Variants in CCDC66 observed in about 807,000 individuals in gnomAD.
CCDC66 encodes coiled-coil domain containing 66, also known as coiled-coil domain-containing protein 66.
Under a neutral mutation model 128.3 loss-of-function variants are expected in CCDC66, and 133 were observed. The observed-to-expected ratio is 1.04, with a 90% CI of 0.90 to 1.20. CCDC66 has a LOEUF of 1.20. CCDC66 is among the 50% of genes most tolerant of loss of function. The pLI is 0.00. For missense variants in CCDC66, 1,126 were observed against 1,075.5 expected, an observed-to-expected ratio of 1.05 and a Z score of -0.66; for synonymous variants, 387 against 357.0, an observed-to-expected ratio of 1.08 and a Z score of -0.95.
Position 56,621,608 on chromosome 3 carries a change from C to G in CCDC66, c.2837C>G (p.Ser946Cys), listed in dbSNP as rs568230372. ...GAAAATCAAGAAGAGAGTTTTGGTT[C>G]TTCATTTTAAATGTAGAAAATCAAA... is the stretch of plus-strand genomic sequence containing the variant. ...LAENQEESFG[S>C]SF Residue 946 changes from serine (S) to cysteine (C), a missense_variant, in exon 18 of 18, where the codon TCT becomes TGT. Coordinates refer to ENST00000394672, the MANE Select transcript of CCDC66 (RefSeq NM_001141947.3). 6.3e-7 allele frequency: 1 copy of G among 1,595,276 alleles called. No individual in the cohort carries two copies. The highest frequency in any genetic ancestry group is 2.2e-5 in the East Asian group (1 of 44,534).
intron 10 of CCDC66, among the ~76,000 whole-genome samples, chr3:56,595,923 G>C (rs780560295): frequency 6.6e-6 from 1 of 152,070 alleles, no homozygotes; most frequent in Non-Finnish European, 1.5e-5. Context: ...TTGTTTGTTT[G>C]CTTGTTTTTG....
chr3:56,562,882 G>C (rs970478187), intron 3 of CCDC66, among the ~76,000 whole-genome samples: 2 of 151,182 alleles, frequency 1.3e-5, no homozygotes, highest in Admixed American at 6.6e-5. Flanking sequence ...CCTGACCTCA[G>C]GCAATCCACC....
intron 7 of CCDC66, among the ~76,000 whole-genome samples, chr3:56,583,550 C>T (rs1470202623): frequency 6.6e-6 from 1 of 151,878 alleles, no homozygotes; most frequent in Admixed American, 6.6e-5. Context: ...GCACGTCTTG[C>T]ACCGCCCTTA....
chr3:56,615,181 G>T lies in CCDC66; in HGVS notation c.1620G>T (p.Gln540His). The T allele has an allele frequency of 6.2e-7, 1 of 1,614,068 alleles. No individual in the cohort carries two copies. The highest frequency in any genetic ancestry group is 8.5e-7 in the Non-Finnish European group (1 of 1,179,972). ...TATTCCAGACAATGCAGCGAGCACA[G>T]GAACTGGCACAGAGACTAAAACAAG... ...NELFQTMQRA[Q>H]ELAQRLKQEQ... is the part of the protein sequence containing the mutation. Residue 540 changes from glutamine to histidine, a missense_variant, in exon 12 of 18, where the codon CAG becomes CAT. Coordinates refer to ENST00000394672, the MANE Select transcript of CCDC66 (RefSeq NM_001141947.3).
At chr3:56,587,597 G>A (rs1313154140) in intron 7 of CCDC66, among the ~76,000 whole-genome samples, 1 of 152,164 alleles carries the variant, frequency 6.6e-6, no homozygotes, top group African/African-American at 2.4e-5. Flanking sequence ...TAGGCTGGGC[G>A]TGGTGGCTCA....
At chr3:56,578,782 C>T (rs1293452721) in intron 7 of CCDC66, among the ~76,000 whole-genome samples, 1 of 151,820 alleles carries the variant, frequency 6.6e-6, no homozygotes. Context: ...GGTGGATAAG[C>T]TTTTTGATGT....
chr3:56,573,415 C>T (rs1395470225), intron 7 of CCDC66, among the ~76,000 whole-genome samples: 2 of 152,170 alleles, frequency 1.3e-5, no homozygotes, highest in Non-Finnish European at 2.9e-5. Flanking sequence ...CCAGAAACTT[C>T]AAGGTGTTGG....
chr3:56,582,471 G>T (rs2068568660), intron 7 of CCDC66, among the ~76,000 whole-genome samples: 1 of 151,868 alleles, frequency 6.6e-6, no homozygotes, highest in African/African-American at 2.4e-5. Flanking sequence ...CCTGTCTTCT[G>T]CATTGCTCAC....
intron 7 of CCDC66, among the ~76,000 whole-genome samples, chr3:56,575,065 G>C (rs980452367): frequency 2.0e-5 from 3 of 151,774 alleles, no homozygotes; most frequent in African/African-American, 7.2e-5. Context: ...CTCAGAATTG[G>C]AATTGCAGGA....
intron 15 of CCDC66, chr3:56,618,494 T>G (rs983755009): frequency 9.7e-5 from 32 of 328,242 alleles, no homozygotes; most frequent in African/African-American, 6.5e-4. Context: ...ATTAGCAGAA[T>G]AGGCATTCTG....
Position 56,606,441 on chromosome 3 carries a change from C to T in CCDC66, c.1405-7148C>T, listed in dbSNP as rs535546175. Among the ~76,000 whole-genome samples, 109 of 152,136 alleles carry T rather than the reference C, an allele frequency of 7.2e-4. 2 individuals are homozygous for T. The highest frequency in any genetic ancestry group is 2.6e-3 in the African/African-American group (106 of 41,446). On this transcript the variant is annotated intron_variant, in intron 10 of 17. Coordinates refer to ENST00000394672, the MANE Select transcript of CCDC66 (RefSeq NM_001141947.3). ...AGGGAATCTCCTGGTCTGCGGGTGG[C>T]GAAGACTGTGGGAAAAGCACAGTAT...
intron 6 of CCDC66, 59 bp downstream of exon 6, chr3:56,567,112 C>A: frequency 7.4e-7 from 1 of 1,351,394 alleles, no homozygotes; most frequent in Non-Finnish European, 1.1e-6. Context: ...TGTATTGAAG[C>A]CGGGCACGGT....
chr3:56,591,047 C>T (rs1442377683), intron 7 of CCDC66, among the ~76,000 whole-genome samples: 1 of 152,202 alleles, frequency 6.6e-6, no homozygotes, highest in South Asian at 2.1e-4. Context: ...CTACCTCTCC[C>T]CATCTCCCAC....
chr3:56,615,913 C>T lies in CCDC66; in HGVS notation c.1712-9C>T, dbSNP rs1651869551. ...AGTGTTGTTTTATCAGGTGATTTCT[C>T]TTTGCCAGTTGATACAATACAAATG... On this transcript the variant is annotated splice_polypyrimidine_tract_variant and intron_variant, in intron 12 of 17. Transcript: ENST00000394672. 3 of 1,584,744 alleles carry T rather than the reference C, an allele frequency of 1.9e-6. No homozygotes were observed. The highest frequency in any genetic ancestry group is 1.1e-5 in the South Asian group (1 of 87,844).
At chr3:56,581,226 G>A (rs1168289851) in intron 7 of CCDC66, among the ~76,000 whole-genome samples, 4 of 151,800 alleles carry the variant, frequency 2.6e-5, no homozygotes, top group African/African-American at 9.7e-5. Flanking sequence ...CATTTGTCAT[G>A]TAGTTCTCGT....
intron 4 of CCDC66, 150 bp downstream of exon 4, chr3:56,564,275 T>G (rs889692750): frequency 5.7e-5 from 33 of 583,048 alleles, no homozygotes; most frequent in Non-Finnish European, 9.7e-5. Flanking sequence ...GAGGACTTTC[T>G]CTAATATGCA....
chr3:56,613,672 G>C lies in CCDC66; in HGVS notation c.1488G>C (p.Glu496Asp), dbSNP rs375806099. ...EEQRKKEEQE[E>D]ELRLAQEREE... Reference sequence around the variant, plus strand: ...AAAGAAAGAAGGAAGAACAAGAAGAGGAGCTTCGCTTAGCACAGGAACGTG... The same window carrying C: ...AAAGAAAGAAGGAAGAACAAGAAGACGAGCTTCGCTTAGCACAGGAACGTG... The change falls in exon 11 of 18, where the codon GAG becomes GAC. Residue 496 changes from glutamate to aspartate, a missense_variant. Physicochemically the swap from Glu to Asp is conservative, Grantham distance 45 (BLOSUM62 2). Transcript: ENST00000394672. The C allele has an allele frequency of 8.7e-6, 14 of 1,613,946 alleles. No individual in the cohort carries two copies. The highest frequency in any genetic ancestry group is 1.1e-5 in the Non-Finnish European group (13 of 1,179,968).
intron 1 of CCDC66, 42 bp from the exon 2 acceptor site, chr3:56,558,804 G>C (rs748586699): frequency 1.2e-5 from 15 of 1,271,806 alleles, no homozygotes; most frequent in Admixed American, 6.0e-5. Context: ...AAAATGTTGC[G>C]GTTTGTTAAA....
intron 10 of CCDC66, among the ~76,000 whole-genome samples, chr3:56,602,259 G>A (rs1373945584): frequency 1.3e-5 from 2 of 151,980 alleles, no homozygotes; most frequent in Non-Finnish European, 2.9e-5. Flanking sequence ...CTGTTTATGT[G>A]AATAGATTAC....
Sources: gnomAD v4.1 joint callset for allele counts (sites outside exome capture counted in the v4.1 genomes callset) on GRCh38, gnomAD v4.1.1 for gene constraint, MANE v1.5 for transcripts, NCBI Gene and HGNC (gene_info 2026-07-23, HGNC 2026-07-21) for gene names.